Variants in GRIP1 observed in about 807,000 individuals in gnomAD.
The protein encoded by GRIP1 is glutamate receptor-interacting protein 1.
In GRIP1, 45 loss-of-function variants were observed where a neutral mutation model predicts 129.9. The ratio of observed to expected loss-of-function variants is 0.35; its 90% confidence interval spans 0.27 to 0.44. The LOEUF (loss-of-function observed/expected upper bound fraction) is 0.44. Among genes scored for constraint, GRIP1 ranks in the 20% least tolerant of loss-of-function variants. The pLI, the probability that GRIP1 is intolerant of heterozygous loss-of-function variation, is 1.00. For missense variants in GRIP1, 1,196 were observed against 1,396.8 expected (o/e 0.86, Z 2.29); for synonymous variants, 530 against 520.8 (o/e 1.02, Z -0.24).
At chr12:66,415,087 G>A (rs1220613113) in intron 15 of GRIP1, among the ~76,000 whole-genome samples, 1 of 151,926 alleles carries the variant, frequency 6.6e-6, no homozygotes, top group Non-Finnish European at 1.5e-5. Flanking sequence ...AAGATTTCAT[G>A]ACGAAAATGC....
chr12:66,980,116 C>T (rs1239312622), intron 1 of GRIP1, among the ~76,000 whole-genome samples: 2 of 152,160 alleles, frequency 1.3e-5, no homozygotes, highest in African/African-American at 2.4e-5. Context: ...CAATCTGGTA[C>T]CACGCACTAA....
chr12:66,497,855 G>A (rs2060277847), intron 7 of GRIP1, among the ~76,000 whole-genome samples: 1 of 152,142 alleles, frequency 6.6e-6, no homozygotes, highest in Admixed American at 6.5e-5. Flanking sequence ...TGAAGTAACT[G>A]AAGAATCACA....
chr12:66,999,507 T>A (rs2042519709), intron 1 of GRIP1, among the ~76,000 whole-genome samples: 2 of 152,288 alleles, frequency 1.3e-5, no homozygotes, highest in South Asian at 4.1e-4. Context: ...CACTTTTTGT[T>A]AATTGAATGA....
At position 66,788,562 on chromosome 12, in the gene GRIP1, A is replaced by G. The variant is rs544941843; in HGVS notation, c.-420+15491T>C. ...CTTCTGAAATTAAATTTAAAAAAAA[A>G]AACTGTGTTTTTTTTGTCTTGCATG... On this transcript the variant is annotated intron_variant, in intron 1 of 4. Coordinates refer to the GRIP1 transcript ENST00000538373. 3.3e-5 allele frequency among the ~76,000 whole-genome samples: 5 copies of G among 152,180 alleles called. No individual in the cohort carries two copies. The South Asian group carries it at 1.0e-3, about 32-fold the overall frequency.
intron 1 of GRIP1, among the ~76,000 whole-genome samples, chr12:66,947,163 C>T (rs574925391): frequency 6.6e-6 from 1 of 152,286 alleles, no homozygotes; most frequent in African/African-American, 2.4e-5. Flanking sequence ...CATCTCCTCG[C>T]TTTTATCATA....
intron 1 of GRIP1, among the ~76,000 whole-genome samples, chr12:66,746,626 G>A (rs1357517439): frequency 1.3e-5 from 2 of 152,130 alleles, no homozygotes; most frequent in Non-Finnish European, 2.9e-5. Flanking sequence ...TCTACCAGAT[G>A]CCCCCTGGAA....
At chr12:66,554,948 C>A (rs2139345061) in intron 2 of GRIP1, among the ~76,000 whole-genome samples, 1 of 152,302 alleles carries the variant, frequency 6.6e-6, no homozygotes, top group South Asian at 2.1e-4. Context: ...TCTCTGAACC[C>A]ATCCAGGATC....
intron 15 of GRIP1, among the ~76,000 whole-genome samples, chr12:66,415,850 A>G (rs925097808): frequency 2.0e-5 from 3 of 152,206 alleles, no homozygotes; most frequent in Non-Finnish European, 2.9e-5. Flanking sequence ...GTTGTCACTT[A>G]TAAGTGGGAG....
rs562418448 is a variant in GRIP1, at chr12:66,827,821, C to T, written c.59-230894G>A. Among the ~76,000 whole-genome samples, 10 of 152,284 alleles carry T rather than the reference C, an allele frequency of 6.6e-5. No homozygotes were observed. The South Asian group carries it at 2.1e-3, about 32-fold the overall frequency. On this transcript the variant is annotated intron_variant, in intron 1 of 1. Coordinates refer to the GRIP1 transcript ENST00000643019. ...GAAATTACTGCAAAAATTAGATAGA[C>T]ATGTGTCTATAATTCAAACTTAAAA... is the stretch of plus-strand genomic sequence containing the variant.
rs544332555 is a variant in GRIP1, at chr12:66,559,293, T to C, written c.137-17343A>G. Among the ~76,000 whole-genome samples the C allele has an allele frequency of 2.0e-5, 3 of 152,284 alleles. No homozygotes were observed. In the East Asian group the frequency reaches 5.8e-4, roughly 29 times the overall value. On this transcript the variant is annotated intron_variant, in intron 2 of 24. Transcript: ENST00000359742. Reference sequence around the variant, plus strand: ...CTGGAACTTAGAAAGATGCTCAGTGTCACTACTGTTATTCAACATAGTACT... The same window carrying C: ...CTGGAACTTAGAAAGATGCTCAGTGCCACTACTGTTATTCAACATAGTACT...
At chr12:66,382,375 TAAATA>T (rs999781457) in intron 19 of GRIP1, among the ~76,000 whole-genome samples, 1 of 151,948 alleles carries the variant, frequency 6.6e-6, no homozygotes. Flanking sequence ...AATAAACAAA[TAAATA>T]AAACTTAATA....
chr12:66,796,979 T>C (rs535832637), intron 1 of GRIP1, among the ~76,000 whole-genome samples: 33 of 152,318 alleles, frequency 2.2e-4, no homozygotes, highest in African/African-American at 7.7e-4. Flanking sequence ...TAAACCTACT[T>C]GCTGACGTTT....
At chr12:66,524,392 C>A (rs1463151908) in intron 5 of GRIP1, among the ~76,000 whole-genome samples, 1 of 152,188 alleles carries the variant, frequency 6.6e-6, no homozygotes, top group East Asian at 1.9e-4. Flanking sequence ...AACCACTCAA[C>A]TACATGGAAA....
At chr12:66,512,371 T>C (rs2138891633) in intron 7 of GRIP1, among the ~76,000 whole-genome samples, 1 of 152,248 alleles carries the variant, frequency 6.6e-6, no homozygotes, top group Non-Finnish European at 1.5e-5. Context: ...ACTTGTTGAA[T>C]GGTTTTGACC....
intron 7 of GRIP1, among the ~76,000 whole-genome samples, chr12:66,474,429 C>A (rs1484086028): frequency 1.3e-5 from 2 of 152,128 alleles, no homozygotes; most frequent in Non-Finnish European, 2.9e-5. Context: ...GTAGAACTTA[C>A]CCAACCTAGC....
Position 66,459,396 on chromosome 12 carries a change from G to A in GRIP1, c.1043-3054C>T, listed in dbSNP as rs371943909. Among the ~76,000 whole-genome samples the A allele has an allele frequency of 7.2e-5, 11 of 152,246 alleles. 1 individual carries two copies. Among genetic ancestry groups the A allele is most frequent in the East Asian group, 3.9e-4 (2 of 5,188 alleles). On this transcript the variant is annotated intron_variant, in intron 9 of 24. Coordinates refer to ENST00000359742, the MANE Select transcript of GRIP1 (RefSeq NM_001366722.1). ...AATTTACAACCACCGACACTTTAGC[G>A]TACTTTTCACAAAGTACCATCTGTG...
rs1329359540 is a variant in GRIP1, at chr12:66,529,854, T to C, written c.479A>G (p.Asn160Ser). The change falls in exon 5 of 25, where the codon AAT becomes AGT. Residue 160 changes from asparagine to serine, a missense_variant. By Grantham distance (46) the Asn-to-Ser change is conservative. This residue lies in a region of GRIP1 where 217 missense variants were observed against 224.8 expected (regional missense o/e 0.97). Transcript: ENST00000359742. Reference protein sequence around the residue: ...TVEVTLHKEGNTFGFVIRGGA... With the variant: ...TVEVTLHKEGSTFGFVIRGGA... Reference sequence around the variant, plus strand: ...ACCTCGAATTACAAAACCAAAGGTATTGCCTTCTTTATGTAATGTGACCTC... The same window carrying C: ...ACCTCGAATTACAAAACCAAAGGTACTGCCTTCTTTATGTAATGTGACCTC... 1.9e-6 allele frequency: 3 copies of C among 1,598,986 alleles called. No homozygotes were observed. Among genetic ancestry groups the C allele is most frequent in the Admixed American group, 1.7e-5 (1 of 60,008 alleles).
chr12:66,765,125 T>G (rs1382098234), intron 1 of GRIP1, among the ~76,000 whole-genome samples: 1 of 136,336 alleles, frequency 7.3e-6, no homozygotes, highest in African/African-American at 2.7e-5. Flanking sequence ...ATATGTACCC[T>G]TCATTGAAAT....
At chr12:66,485,673 A>G (rs1361376732) in intron 7 of GRIP1, among the ~76,000 whole-genome samples, 4 of 151,542 alleles carry the variant, frequency 2.6e-5, no homozygotes, top group African/African-American at 9.7e-5. Flanking sequence ...GCTTTTTTTT[A>G]CAGGTTTCAT....
Sources: gnomAD v4.1 joint callset for allele counts (sites outside exome capture counted in the v4.1 genomes callset) on GRCh38, gnomAD v4.1.1 for gene constraint, gnomAD v4.1.1 regional missense constraint, MANE v1.5 for transcripts, NCBI Gene and HGNC (gene_info 2026-07-23, HGNC 2026-07-21) for gene names.